Variants in NTM observed in about 807,000 individuals in gnomAD.
NTM encodes the protein neurotrimin.
NTM carries 13 observed loss-of-function variants against 42.1 expected under a neutral mutation model. That is an observed-to-expected ratio of 0.31 (90% confidence interval 0.20 to 0.49). NTM has a LOEUF of 0.49. Ranked by LOEUF, NTM falls within the 20% of genes least tolerant of loss-of-function variation. The pLI is 0.99. For synonymous variants in NTM, 187 were observed against 179.2 expected (o/e 1.04, Z -0.35); for missense variants, 373 against 452.8 (o/e 0.82, Z 1.60).
chr11:131,646,854 A>G (rs544326836), intron 1 of NTM, among the ~76,000 whole-genome samples: 1 of 152,284 alleles, frequency 6.6e-6, no homozygotes, highest in Non-Finnish European at 1.5e-5. Flanking sequence ...AGTTTTCAGT[A>G]TTGATTTTTA....
intron 4 of NTM, among the ~76,000 whole-genome samples, chr11:132,272,676 T>G (rs2139708934): frequency 6.6e-6 from 1 of 152,320 alleles, no homozygotes; most frequent in South Asian, 2.1e-4. Context: ...TTTAGATTGT[T>G]TATTGAAAAT....
chr11:131,536,398 G>A (rs916042774), intron 1 of NTM: 7 of 152,106 alleles, frequency 4.6e-5, no homozygotes, highest in Non-Finnish European at 8.8e-5. Flanking sequence ...GGTTACTGGG[G>A]GACATGCACA....
At chr11:131,631,134 C>T (rs2063614207) in intron 1 of NTM, among the ~76,000 whole-genome samples, 2 of 152,132 alleles carry the variant, frequency 1.3e-5, no homozygotes, top group Non-Finnish European at 2.9e-5. Flanking sequence ...AGGGCTCTGG[C>T]ACCTACTAAC....
chr11:131,884,265 C>T (rs903122532), intron 1 of NTM, among the ~76,000 whole-genome samples: 8 of 151,668 alleles, frequency 5.3e-5, no homozygotes, highest in Non-Finnish European at 2.9e-5. Flanking sequence ...CAAAATTAGC[C>T]GGACATGGTG....
intron 2 of NTM, among the ~76,000 whole-genome samples, chr11:132,051,673 C>T (rs1157523836): frequency 3.3e-5 from 5 of 152,210 alleles, no homozygotes; most frequent in Non-Finnish European, 5.9e-5. Context: ...CCCCCTCCTC[C>T]CCAGGAGGAC....
intron 2 of NTM, among the ~76,000 whole-genome samples, chr11:132,117,213 G>C (rs185215870): frequency 6.6e-6 from 1 of 152,302 alleles, no homozygotes; most frequent in African/African-American, 2.4e-5. Context: ...TGCAAATGTT[G>C]TTCATTCTTG....
intron 2 of NTM, among the ~76,000 whole-genome samples, chr11:132,097,347 C>T (rs1387895342): frequency 1.3e-5 from 2 of 152,156 alleles, no homozygotes; most frequent in African/African-American, 2.4e-5. Context: ...CCTGAGTTAG[C>T]CTCACTTGGC....
At chr11:131,789,636 A>AG (rs1555127949) in intron 1 of NTM, among the ~76,000 whole-genome samples, 521 of 30,774 alleles carry the variant, frequency 0.017, 63 homozygotes, top group African/African-American at 0.024. Flanking sequence ...AAGAAGAAGA[A>AG]AAGAAGAAGA....
chr11:132,068,543 A>G lies in NTM; in HGVS notation c.168-77739A>G, dbSNP rs141638339. On this transcript the variant is annotated intron_variant, in intron 2 of 8. Transcript: ENST00000683400. ...AAAGACAATCTGGGCTTTTTCTATCATGCACTTACAAGTTCTTTGAGCCTC... is the reference window on the plus strand; with the variant it reads ...AAAGACAATCTGGGCTTTTTCTATCGTGCACTTACAAGTTCTTTGAGCCTC... 6.2e-3 allele frequency among the ~76,000 whole-genome samples: 943 copies of G among 152,334 alleles called. 7 individuals are homozygous for G. Among genetic ancestry groups the G allele is most frequent in the African/African-American group, 0.022 (895 of 41,576 alleles).
chr11:132,097,218 C>T (rs567528544), intron 2 of NTM, among the ~76,000 whole-genome samples: 16 of 152,296 alleles, frequency 1.1e-4, no homozygotes, highest in South Asian at 4.1e-4. Flanking sequence ...AGAGAGAGCA[C>T]GCAAGTGTTG....
At chr11:131,407,226 G>A (rs950822665) in intron 1 of NTM, among the ~76,000 whole-genome samples, 1 of 152,172 alleles carries the variant, frequency 6.6e-6, no homozygotes, top group Non-Finnish European at 1.5e-5. Flanking sequence ...AGGCTCTCAG[G>A]AGAGGACCGA....
chr11:131,798,174 G>T (rs184964094), intron 1 of NTM, among the ~76,000 whole-genome samples: 5 of 152,242 alleles, frequency 3.3e-5, no homozygotes, highest in African/African-American at 4.8e-5. Context: ...TTAACTGAAG[G>T]TTTGCCGTAG....
chr11:131,523,801 A>AAG (rs2050086424), intron 1 of NTM, among the ~76,000 whole-genome samples: 2 of 146,962 alleles, frequency 1.4e-5, no homozygotes, highest in Non-Finnish European at 3.0e-5. Flanking sequence ...AAAAAAAAAA[A>AAG]AAAAGAATAA....
At chr11:131,570,167 C>T (rs1028146203) in intron 1 of NTM, among the ~76,000 whole-genome samples, 1 of 152,196 alleles carries the variant, frequency 6.6e-6, no homozygotes, top group Non-Finnish European at 1.5e-5. Context: ...CAGAATCACT[C>T]GAAGCTTATT....
intron 1 of NTM, among the ~76,000 whole-genome samples, chr11:131,766,569 C>G (rs990198053): frequency 2.2e-5 from 3 of 138,056 alleles, no homozygotes; most frequent in Non-Finnish European, 4.9e-5. Context: ...AGGGGTCACA[C>G]AGCAGGCCCC....
intron 1 of NTM, among the ~76,000 whole-genome samples, chr11:131,746,069 T>C (rs1392201232): frequency 6.6e-6 from 1 of 152,038 alleles, no homozygotes; most frequent in Non-Finnish European, 1.5e-5. Flanking sequence ...AGCCTGGCCA[T>C]CGTCCGTCTG....
chr11:131,921,004 A>G (rs1279390134), intron 2 of NTM, among the ~76,000 whole-genome samples: 2 of 152,198 alleles, frequency 1.3e-5, no homozygotes, highest in African/African-American at 4.8e-5. Context: ...GGCTCAATCC[A>G]AAATTCTAAC....
At chr11:131,759,814 A>G (rs80258315) in intron 1 of NTM, among the ~76,000 whole-genome samples, 3,645 of 152,230 alleles carry the variant, frequency 0.024, 145 homozygotes, top group African/African-American at 0.082. Context: ...AATCCATTGA[A>G]ATCTTGATCC....
chr11:132,296,656 A>T (rs764440909), intron 4 of NTM, among the ~76,000 whole-genome samples: 2 of 152,174 alleles, frequency 1.3e-5, no homozygotes, highest in Non-Finnish European at 2.9e-5. Flanking sequence ...TCTACCCAAG[A>T]CCCAGGTGTG....
Sources: allele counts gnomAD v4.1 joint callset (sites outside exome capture counted in the v4.1 genomes callset), GRCh38; gene constraint gnomAD v4.1.1; transcripts MANE v1.5; gene names NCBI Gene and HGNC (gene_info 2026-07-23, HGNC 2026-07-21).